The following HMGB3 variants were observed in gnomAD, a reference collection of about 807,000 sequenced individuals.
HMGB3 encodes high mobility group protein B3.
HMGB3 carries 1 observed loss-of-function variant against 12.9 expected under a neutral mutation model. The observed-to-expected ratio is 0.08, with a 90% CI of 0.03 to 0.37. The LOEUF (loss-of-function observed/expected upper bound fraction) is 0.37, where lower values mean the gene tolerates loss of function less well. Among genes scored for constraint, HMGB3 ranks in the 10% least tolerant of loss-of-function variants. The pLI, the probability that HMGB3 is intolerant of heterozygous loss-of-function variation, is 0.99. For missense variants in HMGB3, 74 were observed against 153.3 expected (o/e 0.48, Z 2.73); for synonymous variants, 61 against 53.9 (o/e 1.13, Z -0.57).
intron 4 of HMGB3, 26 bp downstream of exon 4, chrX:150,987,328 T>C (rs2048063585): frequency 4.3e-6 from 5 of 1,156,416 alleles, no homozygotes; most frequent in Non-Finnish European, 5.9e-6. Context: ...AAGCCTGGAC[T>C]GGTGAACAGG....
intron 1 of HMGB3, among the ~76,000 whole-genome samples, chrX:150,984,060 C>T (rs1278864733): frequency 9.9e-6 from 1 of 100,904 alleles, no homozygotes; most frequent in Non-Finnish European, 2.0e-5. Context: ...CCGCCGCCGC[C>T]GCTAACATGG....
chrX:150,985,544 A>C (rs572009629), intron 1 of HMGB3, 51 bp from the exon 2 acceptor site: 5 of 1,050,400 alleles, frequency 4.8e-6, no homozygotes, highest in Non-Finnish European at 6.4e-6. Flanking sequence ...CTTCTTGTCA[A>C]TTCCTCCTTG....
At chrX:150,982,228 T>C (rs1364189321), upstream of HMGB3, among the ~76,000 whole-genome samples, 1 of 111,850 alleles carries the variant, frequency 8.9e-6, no homozygotes, top group Non-Finnish European at 1.9e-5. Flanking sequence ...GTAGGATATT[T>C]AGTATCCCCG....
chrX:150,985,921 C>T (rs2048047495), intron 2 of HMGB3, 130 bp from the exon 3 acceptor site: 3 of 826,584 alleles, frequency 3.6e-6, no homozygotes, highest in African/African-American at 4.1e-5. Flanking sequence ...TTTTAAGGCC[C>T]TGCACAGGTT....
intron 1 of HMGB3, among the ~76,000 whole-genome samples, chrX:150,984,919 A>C (rs1261600802): frequency 2.7e-5 from 3 of 112,367 alleles, no homozygotes; most frequent in Non-Finnish European, 1.9e-5. Flanking sequence ...CTGGACCTGC[A>C]TTCTGGGTTA....
chrX:150,984,640 TC>T, intron 1 of HMGB3: 3 of 693,320 alleles, frequency 4.3e-6, no homozygotes, highest in Non-Finnish European at 5.1e-6. Flanking sequence ...ATTACGGGTG[TC>T]CCGGTGACCC....
chrX:150,983,628 C>A (rs2048013134), intron 1 of HMGB3: 3 of 745,289 alleles, frequency 4.0e-6, no homozygotes, highest in African/African-American at 2.3e-5. Flanking sequence ...CCGAGCTCCC[C>A]GCTTTCGGGG....
At chrX:150,984,966 C>G (rs782394746) in intron 1 of HMGB3, among the ~76,000 whole-genome samples, 1 of 111,920 alleles carries the variant, frequency 8.9e-6, no homozygotes, top group East Asian at 2.8e-4. Context: ...TACACCCTCC[C>G]CCTTTAGATA....
At position 150,990,118 on chromosome X, in the gene HMGB3, T is replaced by C. The variant is rs1557425354; in HGVS notation, c.*2204T>C. On this transcript the variant is annotated 3_prime_UTR_variant, in exon 5 of 5. Coordinates refer to ENST00000325307, the MANE Select transcript of HMGB3 (RefSeq NM_005342.4). ...CAATTCGTGATGTGCTAGGCCAAGA[T>C]TCGGGAGCTGTTGCCAGCCTCGTCA... The C allele has an allele frequency of 8.9e-6, 1 of 112,373 alleles. No homozygotes were observed. The allele number at this position is 112,373 out of a possible 1,213,427, so 9.3% of individuals were successfully genotyped here.
intron 1 of HMGB3, among the ~76,000 whole-genome samples, chrX:150,984,886 A>G (rs1358514355): frequency 8.9e-6 from 1 of 111,744 alleles, no homozygotes; most frequent in Non-Finnish European, 1.9e-5. Context: ...TTTATTTGGA[A>G]ACTTTGGAGA....
chrX:150,983,903 C>T (rs1331918856), intron 1 of HMGB3, among the ~76,000 whole-genome samples: 6 of 106,297 alleles, frequency 5.6e-5, no homozygotes, highest in African/African-American at 1.7e-4. Context: ...GCCGCACGGG[C>T]AAACTTCGCT....
chrX:150,983,410 GCC>G (rs2048008431), intron 1 of HMGB3, 34 bp downstream of exon 1: 2 of 57,566 alleles, frequency 3.5e-5, no homozygotes, highest in Non-Finnish European at 4.2e-5. Flanking sequence ...CGCCGCCGCC[GCC>G]GCCGCCGCCG....
intron 3 of HMGB3, among the ~76,000 whole-genome samples, chrX:150,986,899 G>A (rs370051057): frequency 9.0e-6 from 1 of 111,527 alleles, no homozygotes; most frequent in African/African-American, 3.3e-5. Context: ...CGCCTGCCTC[G>A]GCCTCCCAAA....
chrX:150,985,316 C>T (rs782227632), intron 1 of HMGB3, among the ~76,000 whole-genome samples: 3 of 111,808 alleles, frequency 2.7e-5, no homozygotes, highest in Non-Finnish European at 3.8e-5. Context: ...CACTGAGTAC[C>T]CTACTTGGGT....
rs182128963 is a variant in HMGB3 at position 150,990,396 on chromosome X, C to G, written c.*2482C>G. 1.9e-4 allele frequency: 21 copies of G among 112,130 alleles called. No individual in the cohort carries two copies. The highest frequency in any genetic ancestry group is 1.5e-3 in the Admixed American group (16 of 10,563). 9.2% of individuals were successfully genotyped at this position (112,130 alleles called of 1,213,427 possible). A position where few individuals can be genotyped will look rare whatever the true frequency, so the allele number is the denominator to read the frequency against. On this transcript the variant is annotated 3_prime_UTR_variant, in exon 5 of 5. Coordinates refer to ENST00000325307, the MANE Select transcript of HMGB3 (RefSeq NM_005342.4). ...ATTAGCTGGGGCAGCAAGATCACTA[C>G]TCAACGTTTTCACACTGTGGCAAGA...
At chrX:150,986,513 T>C (rs1277346580) in intron 3 of HMGB3, among the ~76,000 whole-genome samples, 1 of 109,249 alleles carries the variant, frequency 9.2e-6, no homozygotes, top group African/African-American at 3.3e-5. Context: ...TCCTAGTAAT[T>C]GAAAGACTGG....
rs781958230 is a variant in HMGB3, at chrX:150,987,019, T to A, written c.291-109T>A. 5.5e-6 allele frequency: 3 copies of A among 549,018 alleles called. No homozygotes were observed. The African/African-American group carries it at 7.0e-5, about 13-fold the overall frequency. 45.2% of individuals were successfully genotyped at this position (549,018 alleles called of 1,213,427 possible). A position where few individuals can be genotyped will look rare whatever the true frequency, so the allele number is the denominator to read the frequency against. On this transcript the variant is annotated intron_variant, in intron 3 of 4. Coordinates refer to ENST00000325307, the MANE Select transcript of HMGB3 (RefSeq NM_005342.4). ...TATGGTATCATAGATTACTTCACTTTAGGGAGAAGTCATAGTGGTAGGAGG... is the reference window on the plus strand; with the variant it reads ...TATGGTATCATAGATTACTTCACTTAAGGGAGAAGTCATAGTGGTAGGAGG...
At chrX:150,987,074 A>G in intron 3 of HMGB3, 54 bp from the exon 4 acceptor site, 1 of 1,014,196 alleles carries the variant, frequency 9.9e-7, no homozygotes, top group Non-Finnish European at 1.4e-6. Flanking sequence ...TGGGATTTCA[A>G]CTTTAACTCA....
rs2048102409 is a variant in HMGB3 at position 150,990,563 on chromosome X, T to TTC, written c.*2650_*2651dup. On this transcript the variant is annotated 3_prime_UTR_variant, in exon 5 of 5. Coordinates refer to ENST00000325307, the MANE Select transcript of HMGB3 (RefSeq NM_005342.4). ...CCAACCTGTTGCTTTTTTTTTTTTTTTCCCCCATTTAAAAGGATAGTACCT... is the reference window on the plus strand; with the variant it reads ...CCAACCTGTTGCTTTTTTTTTTTTTTTCTCCCCCATTTAAAAGGATAGTACCT... 1 of 109,782 alleles carries TTC rather than the reference T, an allele frequency of 9.1e-6. No individual in the cohort carries two copies. 9.0% of individuals were successfully genotyped at this position (109,782 alleles called of 1,213,427 possible).
Sources: allele counts gnomAD v4.1 joint callset (sites outside exome capture counted in the v4.1 genomes callset), GRCh38; gene constraint gnomAD v4.1.1; transcripts MANE v1.5; gene names NCBI Gene and HGNC (gene_info 2026-07-23, HGNC 2026-07-21).